Variants in NCCRP1 observed in about 807,000 individuals in gnomAD.
NCCRP1 encodes F-box only protein 50.
In NCCRP1, 32 loss-of-function variants were observed where a neutral mutation model predicts 34.4. The observed-to-expected ratio is 0.93, with a 90% CI of 0.70 to 1.25. The LOEUF (loss-of-function observed/expected upper bound fraction) is 1.25. Ranked by LOEUF, NCCRP1 falls within the 50% of genes most tolerant of loss-of-function variation. The pLI is 0.00. For synonymous variants in NCCRP1, 172 were observed against 180.1 expected, an observed-to-expected ratio of 0.95 and a Z score of 0.36; for missense variants, 372 against 391.8, an observed-to-expected ratio of 0.95 and a Z score of 0.43.
chr19:39,200,368 G>C lies in NCCRP1; in HGVS notation c.571G>C (p.Ala191Pro). The change falls in exon 5 of 6, where the codon GCG (alanine) becomes CCG (proline). Residue 191 changes from alanine to proline, a missense_variant. Ala to Pro is a conservative substitution (Grantham distance 27). Transcript: ENST00000339852. The surrounding 1 kb of genome is among the most constrained non-coding windows in gnomAD (Gnocchi z 5.8). ...CAGGTTCGAGGACAGCCGGCTGGAT[G>C]CGTGCGTCTATGAGCTGCATGTCTG... ...MDWFEDSRLD[A>P]CVYELHVWLL... 6.2e-7 allele frequency: 1 copy of C among 1,613,780 alleles called. No individual in the cohort carries two copies. The highest frequency in any genetic ancestry group is 8.5e-7 in the Non-Finnish European group (1 of 1,180,014).
intron 3 of NCCRP1, among the ~76,000 whole-genome samples, chr19:39,198,831 T>C (rs1287809659): frequency 5.3e-5 from 8 of 152,136 alleles, no homozygotes; most frequent in African/African-American, 1.7e-4. Flanking sequence ...GCCCCTGTCC[T>C]CCATGAAACA....
At chr19:39,197,360 C>T (rs2074767139) in intron 1 of NCCRP1, 41 bp downstream of exon 1, 2 of 1,368,404 alleles carry the variant, frequency 1.5e-6, no homozygotes, top group Admixed American at 3.5e-5. Flanking sequence ...ACCACCCTGA[C>T]CGTCTGTCTC....
chr19:39,199,059 C>T (rs911578456), intron 3 of NCCRP1, 111 bp from the exon 4 acceptor site: 9 of 941,804 alleles, frequency 9.6e-6, no homozygotes, highest in Non-Finnish European at 1.5e-5. Flanking sequence ...TGAGGGAGCA[C>T]CCCACGTGTG....
In NCCRP1 at chr19:39,198,128, AG is replaced by A. The variant is rs1356692495; in HGVS notation, c.400+16del. 1.2e-6 allele frequency: 2 copies of A among 1,614,156 alleles called. No individual in the cohort carries two copies. Among genetic ancestry groups the A allele is most frequent in the African/African-American group, 2.7e-5 (2 of 75,048 alleles). ...CTGGAAACTCTGGGTAAGTGCTTGG[AG>A]GGCCAGGTTGCTGAGGGTGGGGAGG... On this transcript the variant is annotated intron_variant, in intron 2 of 5. Coordinates refer to ENST00000339852, the MANE Select transcript of NCCRP1 (RefSeq NM_001001414.2).
At position 39,200,203 on chromosome 19, in the gene NCCRP1, CTGCTA is replaced by C. The variant is rs777708355; in HGVS notation, c.549-140_549-136del. On this transcript the variant is annotated intron_variant, in intron 4 of 5. Transcript: ENST00000339852. The surrounding 1 kb of genome is among the most constrained non-coding windows in gnomAD (Gnocchi z 5.8). ...GCAGGGTGTGGGGCTGTCTTGGTCACTGCTATGTTGCCAGCACCACCCAGCTCAGG... is the reference window on the plus strand; with the variant it reads ...GCAGGGTGTGGGGCTGTCTTGGTCACTGTTGCCAGCACCACCCAGCTCAGG... The C allele has an allele frequency of 1.2e-3, 1,226 of 1,045,998 alleles. No individual in the cohort carries two copies. The highest frequency in any genetic ancestry group is 1.6e-3 in the Non-Finnish European group (1,134 of 716,038). The allele number at this position is 1,045,998 out of a possible 1,614,324, so 64.8% of individuals were successfully genotyped here. A position where few individuals can be genotyped will look rare whatever the true frequency, so the allele number is the denominator to read the frequency against.
At chr19:39,198,171 G>A in intron 2 of NCCRP1, 31 bp from the exon 3 acceptor site, 4 of 1,614,194 alleles carry the variant, frequency 2.5e-6, no homozygotes, top group Non-Finnish European at 2.5e-6. Context: ...CAGCGTTGGG[G>A]TGTCCTAACC....
chr19:39,197,193 C>G lies in NCCRP1; in HGVS notation c.211C>G (p.Gln71Glu). 1 of 1,427,650 alleles carries G rather than the reference C, an allele frequency of 7.0e-7. No homozygotes were observed. Among genetic ancestry groups the G allele is most frequent in the Non-Finnish European group, 9.1e-7 (1 of 1,104,608 alleles). 88.4% of individuals were successfully genotyped at this position (1,427,650 alleles called of 1,614,324 possible). A position where few individuals can be genotyped will look rare whatever the true frequency, so the allele number is the denominator to read the frequency against. The change falls in exon 1 of 6, where the codon CAG becomes GAG. Residue 71 changes from glutamine to glutamate, a missense_variant. Coordinates refer to ENST00000339852, the MANE Select transcript of NCCRP1 (RefSeq NM_001001414.2). ...GCAGCCGTCCGAGGCTCACGCCCGG[C>G]AGCTGCTGCTGGAGGAGTGGGGGCC... ...PAQPSEAHARQLLLEEWGPLS... is the reference protein window; with the variant it reads ...PAQPSEAHARELLLEEWGPLS...
intron 3 of NCCRP1, 46 bp from the exon 4 acceptor site, chr19:39,199,124 T>A (rs1568542152): frequency 1.3e-6 from 2 of 1,571,668 alleles, no homozygotes; most frequent in East Asian, 4.5e-5. Flanking sequence ...GCTCCCTGGA[T>A]CCTGGCAGAT....
intron 3 of NCCRP1, 30 bp from the exon 4 acceptor site, chr19:39,199,124 TCCTGGCAGATCGCAGA>T (rs757278145): frequency 6.4e-7 from 1 of 1,571,668 alleles, no homozygotes; most frequent in Non-Finnish European, 8.8e-7. Context: ...GCTCCCTGGA[TCCTGGCAGATCGCAGA>T]CCCCGCCTCT....
In NCCRP1 at chr19:39,200,371, T is replaced by C. The variant is rs2074782630; in HGVS notation, c.574T>C (p.Cys192Arg). The C allele has an allele frequency of 4.3e-6, 7 of 1,613,654 alleles. No homozygotes were observed. In the South Asian group the frequency reaches 7.7e-5, roughly 18 times the overall value. The change falls in exon 5 of 6, where the codon TGC (cysteine) becomes CGC (arginine). Residue 192 changes from cysteine (C) to arginine (R), a missense_variant. Coordinates refer to ENST00000339852, the MANE Select transcript of NCCRP1 (RefSeq NM_001001414.2). This position sits in a 1 kb window ranked among gnomAD's most constrained non-coding sequence, Gnocchi z 5.8. ...GTTCGAGGACAGCCGGCTGGATGCG[T>C]GCGTCTATGAGCTGCATGTCTGGCT... Reference protein sequence around the residue: ...DWFEDSRLDACVYELHVWLLA... With the variant: ...DWFEDSRLDARVYELHVWLLA...
rs1234168096 is a variant in NCCRP1, at chr19:39,197,260, A to G, written c.278A>G (p.Lys93Arg). The G allele has an allele frequency of 1.3e-6, 2 of 1,496,044 alleles. No individual in the cohort carries two copies. The highest frequency in any genetic ancestry group is 1.4e-5 in the African/African-American group (1 of 69,106). The allele number at this position is 1,496,044 out of a possible 1,614,324, so 92.7% of individuals were successfully genotyped here. A position where few individuals can be genotyped will look rare whatever the true frequency, so the allele number is the denominator to read the frequency against. The change falls in exon 1 of 6, where the codon AAG becomes AGG. Residue 93 changes from lysine (K) to arginine (R), a missense_variant. Transcript: ENST00000339852. The stretch of plus-strand genomic sequence containing the variant: ...GAGCTGCCCCAGCGCCTCACCTGGA[A>G]GCTGCTCCTGTTGCGGCGGCCGCTC... ...GLELPQRLTW[K>R]LLLLRRPLYR...
intron 4 of NCCRP1, among the ~76,000 whole-genome samples, chr19:39,199,647 G>T (rs1403998241): frequency 6.6e-6 from 1 of 150,554 alleles, no homozygotes; most frequent in Non-Finnish European, 1.5e-5. Context: ...CAAGTAACTG[G>T]GACTACAGGC....
intron 4 of NCCRP1, 49 bp downstream of exon 4, chr19:39,199,314 C>T (rs1460343633): frequency 6.5e-7 from 1 of 1,538,350 alleles, no homozygotes; most frequent in Non-Finnish European, 9.0e-7. Flanking sequence ...CGCAGGGCTG[C>T]CCAGAGCATG....
rs143457682 is a variant in NCCRP1, at chr19:39,199,206, C to G, written c.489C>G (p.Ala163=). The change falls in exon 4 of 6, where the codon GCC becomes GCG. Residue 163 remains alanine (A), a synonymous_variant. Coordinates refer to ENST00000339852, the MANE Select transcript of NCCRP1 (RefSeq NM_001001414.2). ...TVKQQCVDLL[A]EGLWEELLDD... ...AGCAGCAGTGTGTGGACCTTCTGGCCGAGGGCCTGTGGGAGGAGCTGCTGG... is the reference window on the plus strand; with the variant it reads ...AGCAGCAGTGTGTGGACCTTCTGGCGGAGGGCCTGTGGGAGGAGCTGCTGG... 49 of 1,614,070 alleles carry G rather than the reference C, an allele frequency of 3.0e-5. No individual in the cohort carries two copies. In the Admixed American group the frequency reaches 5.5e-4, roughly 18 times the overall value.
At position 39,200,218 on chromosome 19, in the gene NCCRP1, C is replaced by T; in HGVS notation, c.549-128C>T. On this transcript the variant is annotated intron_variant, in intron 4 of 5. Transcript: ENST00000339852. The surrounding 1 kb of genome is among the most constrained non-coding windows in gnomAD (Gnocchi z 5.8). ...GTCTTGGTCACTGCTATGTTGCCAG[C>T]ACCACCCAGCTCAGGGCTGTGTACA... 1 of 1,251,032 alleles carries T rather than the reference C, an allele frequency of 8.0e-7. No homozygotes were observed. The highest frequency in any genetic ancestry group is 1.1e-6 in the Non-Finnish European group (1 of 891,710). The allele number at this position is 1,251,032 out of a possible 1,614,324, so 77.5% of individuals were successfully genotyped here.
At chr19:39,197,372 T>C (rs1467434224) in intron 1 of NCCRP1, 53 bp downstream of exon 1, 3 of 1,331,868 alleles carry the variant, frequency 2.3e-6, no homozygotes, top group Non-Finnish European at 2.9e-6. Context: ...GTCTGTCTCT[T>C]CCTCTTTCCC....
chr19:39,197,233 T>A lies in NCCRP1; in HGVS notation c.251T>A (p.Leu84Gln). The A allele has an allele frequency of 6.8e-7, 1 of 1,473,612 alleles. No individual in the cohort carries two copies. Among genetic ancestry groups the A allele is most frequent in the Admixed American group, 2.5e-5 (1 of 40,396 alleles). The allele number at this position is 1,473,612 out of a possible 1,614,324, so 91.3% of individuals were successfully genotyped here. A position where few individuals can be genotyped will look rare whatever the true frequency, so the allele number is the denominator to read the frequency against. Residue 84 changes from leucine to glutamine, a missense_variant, in exon 1 of 6, where the codon CTG becomes CAG. By Grantham distance (113) the Leu-to-Gln change is moderately radical (BLOSUM62 -2). Coordinates refer to ENST00000339852, the MANE Select transcript of NCCRP1 (RefSeq NM_001001414.2). ...GAGTGGGGGCCGCTGAGCGGGGGCCTGGAGCTGCCCCAGCGCCTCACCTGG... is the reference window on the plus strand; with the variant it reads ...GAGTGGGGGCCGCTGAGCGGGGGCCAGGAGCTGCCCCAGCGCCTCACCTGG... ...LEEWGPLSGG[L>Q]ELPQRLTWKL...
In NCCRP1 at chr19:39,200,345, G is replaced by A; in HGVS notation, c.549-1G>A. 6.2e-7 allele frequency: 1 copy of A among 1,613,280 alleles called. No individual in the cohort carries two copies. The highest frequency in any genetic ancestry group is 8.5e-7 in the Non-Finnish European group (1 of 1,179,930). On this transcript the variant is annotated splice_acceptor_variant, in intron 4 of 5. Transcript: ENST00000339852. LOFTEE classifies it high-confidence loss of function. This position sits in a 1 kb window ranked among gnomAD's most constrained non-coding sequence, Gnocchi z 5.8. ...GCTGAAGGCCTTGACTCCGCCTGCA[G>A]GTTCGAGGACAGCCGGCTGGATGCG...
At position 39,201,616 on chromosome 19, in the gene NCCRP1, A is replaced by T. The variant is rs561992481; in HGVS notation, c.*860A>T. On this transcript the variant is annotated 3_prime_UTR_variant, in exon 6 of 6. Coordinates refer to ENST00000339852, the MANE Select transcript of NCCRP1 (RefSeq NM_001001414.2). ...GTGAGTCACTGCGCCCAGCCATTCC[A>T]TGTCTCTTAAGTCTCAGAATCTCCC... is the stretch of plus-strand genomic sequence containing the variant. The T allele has an allele frequency of 7.2e-5, 11 of 152,078 alleles. No individual in the cohort carries two copies. In the East Asian group the frequency reaches 2.1e-3, roughly 29 times the overall value. 9.4% of individuals were successfully genotyped at this position (152,078 alleles called of 1,614,324 possible).
Sources: gnomAD v4.1 joint callset for allele counts (sites outside exome capture counted in the v4.1 genomes callset) on GRCh38, gnomAD v4.1.1 for gene constraint, Gnocchi (gnomAD v3.1) non-coding constraint, MANE v1.5 for transcripts, NCBI Gene and HGNC (gene_info 2026-07-23, HGNC 2026-07-21) for gene names.